The following MPC2 variants were observed in gnomAD, a reference collection of about 807,000 sequenced individuals.
The protein encoded by MPC2 is mitochondrial pyruvate carrier 2, also known as brain protein 44.
In MPC2, 19 loss-of-function variants were observed where a neutral mutation model predicts 19.2. That is an observed-to-expected ratio of 0.99 (90% CI 0.69 to 1.45). The LOEUF (loss-of-function observed/expected upper bound fraction) is 1.45. MPC2 is among the 40% of genes most tolerant of loss of function. MPC2 has a pLI of 0.00. For missense variants in MPC2, 122 were observed against 153.0 expected, an observed-to-expected ratio of 0.80 and a Z score of 1.07; for synonymous variants, 61 against 54.3, an observed-to-expected ratio of 1.12 and a Z score of -0.54.
At chr1:167,931,573 ATATCT>A (rs1670912296) in intron 2 of MPC2, among the ~76,000 whole-genome samples, 1 of 151,984 alleles carries the variant, frequency 6.6e-6, no homozygotes, top group Non-Finnish European at 1.5e-5. Context: ...ACATATATTA[ATATCT>A]TAGACTGGCA....
intron 2 of MPC2, among the ~76,000 whole-genome samples, chr1:167,930,377 C>T (rs570664996): frequency 6.6e-6 from 1 of 152,296 alleles, no homozygotes; most frequent in East Asian, 1.9e-4. Flanking sequence ...CTGTTGAAAT[C>T]ATCTACTGTA....
intron 1 of MPC2, 22 bp from the exon 2 acceptor site, chr1:167,935,920 T>A: frequency 9.0e-7 from 1 of 1,117,078 alleles, no homozygotes; most frequent in Non-Finnish European, 1.3e-6. Flanking sequence ...GGGGAGCTAG[T>A]CACTTTTCCT....
intron 5 of MPC2, 146 bp from the exon 6 acceptor site, chr1:167,918,505 C>G (rs1670523533): frequency 2.1e-6 from 1 of 483,140 alleles, no homozygotes; most frequent in East Asian, 3.3e-5. Context: ...GGAGGGCTTA[C>G]AGGTAGAAAC....
rs1671126539 is a variant in MPC2, at chr1:167,935,732, C to T, written c.109+1G>A. On this transcript the variant is annotated splice_donor_variant, in intron 2 of 5. Transcript: ENST00000271373. LOFTEE classifies it high-confidence loss of function. ...ATAAGGAGCCATTCAGGGTCCATTA[C>T]CTGCTGGATGGTTGTACAACGGCCT... The T allele has an allele frequency of 6.4e-7, 1 of 1,558,576 alleles. No homozygotes were observed. The highest frequency in any genetic ancestry group is 8.7e-7 in the Non-Finnish European group (1 of 1,150,446).
chr1:167,927,624 T>G (rs1670793688), intron 2 of MPC2, among the ~76,000 whole-genome samples: 1 of 152,230 alleles, frequency 6.6e-6, no homozygotes, highest in South Asian at 2.1e-4. Context: ...GTAAAGCCTC[T>G]AGATTCTGGT....
rs201163319 is a variant in MPC2 at position 167,926,621 on chromosome 1, TGCTGCTGCTGCTGCC to T, written c.110-2099_110-2085del. On this transcript the variant is annotated intron_variant, in intron 2 of 5. Coordinates refer to ENST00000271373, the MANE Select transcript of MPC2 (RefSeq NM_001143674.4). ...ACTGTGGTGCCCCAACTGCTGCAGATGCTGCTGCTGCTGCCGCTGCTGCTGCCGTCTAGTGGGTAG... is the reference window on the plus strand; with the variant it reads ...ACTGTGGTGCCCCAACTGCTGCAGATGCTGCTGCTGCCGTCTAGTGGGTAG... Among the ~76,000 whole-genome samples, 716 of 152,296 alleles carry T rather than the reference TGCTGCTGCTGCTGCC, an allele frequency of 4.7e-3. 9 individuals are homozygous for T. The East Asian group carries it at 0.061, about 13-fold the overall frequency.
intron 2 of MPC2, 37 bp from the exon 3 acceptor site, chr1:167,924,574 C>T: frequency 1.4e-6 from 2 of 1,434,058 alleles, no homozygotes; most frequent in Non-Finnish European, 1.9e-6. Flanking sequence ...CAGGAATAAA[C>T]CAAATATATT....
At chr1:167,936,769 T>TGCCACC (rs1671286779) in intron 1 of MPC2, 170 bp downstream of exon 1, 3 of 700,054 alleles carry the variant, frequency 4.3e-6, no homozygotes, top group Non-Finnish European at 7.2e-6. Context: ...GCGCCGCTGC[T>TGCCACC]GCCACCGCCA....
intron 2 of MPC2, among the ~76,000 whole-genome samples, chr1:167,935,398 G>A (rs145913651): frequency 6.6e-6 from 1 of 152,322 alleles, no homozygotes; most frequent in African/African-American, 2.4e-5. Context: ...AAGAGAAAGA[G>A]AATGAGTGTT....
intron 3 of MPC2, 200 bp downstream of exon 3, chr1:167,924,297 T>G: frequency 2.4e-6 from 1 of 408,754 alleles, no homozygotes; most frequent in African/African-American, 2.1e-5. Flanking sequence ...GAAGGCCTCT[T>G]ATCTAAAGAG....
At chr1:167,922,042 T>C (rs936300383) in intron 3 of MPC2, among the ~76,000 whole-genome samples, 9 of 152,194 alleles carry the variant, frequency 5.9e-5, no homozygotes, top group Non-Finnish European at 8.8e-5. Context: ...ATAGAACATA[T>C]GTGGCTTGCA....
At chr1:167,936,699 C>T (rs1463373316) in intron 1 of MPC2, 4 of 561,512 alleles carry the variant, frequency 7.1e-6, no homozygotes, top group South Asian at 6.3e-5. Context: ...TCTGGTTAGT[C>T]TAAGAAGGAG....
intron 2 of MPC2, among the ~76,000 whole-genome samples, chr1:167,935,360 A>G (rs759447471): frequency 1.3e-5 from 2 of 152,218 alleles, no homozygotes; most frequent in Non-Finnish European, 2.9e-5. Flanking sequence ...AGCTCTGCCT[A>G]GAGTGGGTTA....
At chr1:167,929,912 T>C (rs6658171) in intron 2 of MPC2, among the ~76,000 whole-genome samples, 2,448 of 152,306 alleles carry the variant, frequency 0.016, 57 homozygotes, top group African/African-American at 0.052. Context: ...CACTCCTTTA[T>C]GGTTTGTTAC....
chr1:167,925,453 A>ATCTATC (rs1391722293), intron 2 of MPC2, among the ~76,000 whole-genome samples: 1 of 110,644 alleles, frequency 9.0e-6, no homozygotes, highest in African/African-American at 3.8e-5. Flanking sequence ...ATATATATAT[A>ATCTATC]TATATATATA....
intron 2 of MPC2, among the ~76,000 whole-genome samples, chr1:167,931,092 C>G (rs1390325697): frequency 1.3e-5 from 2 of 152,168 alleles, no homozygotes; most frequent in Non-Finnish European, 2.9e-5. Flanking sequence ...CCACCATGCC[C>G]AGCTAAATTT....
chr1:167,920,776 A>G, intron 3 of MPC2, 145 bp from the exon 4 acceptor site: 1 of 834,126 alleles, frequency 1.2e-6, no homozygotes, highest in Non-Finnish European at 1.8e-6. Context: ...AATGTAGATT[A>G]CAACAAAAAA....
At chr1:167,928,273 G>A (rs907625287) in intron 2 of MPC2, among the ~76,000 whole-genome samples, 1 of 151,488 alleles carries the variant, frequency 6.6e-6, no homozygotes, top group Non-Finnish European at 1.5e-5. Context: ...GCGTGAAGCC[G>A]GGAGGTGGAG....
intron 5 of MPC2, 90 bp from the exon 6 acceptor site, chr1:167,918,449 T>C (rs1169964706): frequency 1.2e-5 from 10 of 817,928 alleles, no homozygotes; most frequent in Non-Finnish European, 1.7e-5. Flanking sequence ...CCATTTCTTC[T>C]TTCTTGGTGG....
Sources: gnomAD v4.1 joint callset for allele counts (sites outside exome capture counted in the v4.1 genomes callset) on GRCh38, gnomAD v4.1.1 for gene constraint, MANE v1.5 for transcripts, NCBI Gene and HGNC (gene_info 2026-07-23, HGNC 2026-07-21) for gene names.